Variants in SYNJ1 observed in about 807,000 individuals in gnomAD.
SYNJ1 encodes the protein polyphosphatidylinositol phosphatase SYNJ1.
Under a neutral mutation model 168.2 loss-of-function variants are expected in SYNJ1, and 78 were observed. That is an observed-to-expected ratio of 0.46 (90% CI 0.39 to 0.56). The LOEUF (loss-of-function observed/expected upper bound fraction) is 0.56, where lower values mean the gene tolerates loss of function less well. SYNJ1 is among the 20% of genes least tolerant of loss of function. SYNJ1 has a pLI of 0.00. For missense variants in SYNJ1, 1,303 were observed against 1,597.6 expected, an observed-to-expected ratio of 0.82 and a Z score of 3.14; for synonymous variants, 539 against 548.6, an observed-to-expected ratio of 0.98 and a Z score of 0.24.
At position 32,666,154 on chromosome 21, in the gene SYNJ1, T is replaced by A. The variant is rs7510547; in HGVS notation, c.1953-19A>T. 6.3e-6 allele frequency: 10 copies of A among 1,575,492 alleles called. No individual in the cohort carries two copies. In the African/African-American group the frequency reaches 6.8e-5, roughly 11 times the overall value. On this transcript the variant is annotated intron_variant, in intron 16 of 32. Coordinates refer to ENST00000674351, the MANE Select transcript of SYNJ1 (RefSeq NM_203446.3). ...AACATCCCTTTGAAACAAAGAATTC[T>A]AAATCGCAGATTTGAAATTTCAAGA...
chr21:32,661,311 G>A (rs111447236), intron 18 of SYNJ1, among the ~76,000 whole-genome samples: 1,650 of 152,266 alleles, frequency 0.011, 13 homozygotes, highest in Middle Eastern at 0.024. Context: ...AAGGCCCCAC[G>A]GTTCCACCCA....
chr21:32,713,524 G>A (rs879772131), intron 2 of SYNJ1, among the ~76,000 whole-genome samples: 3 of 138,444 alleles, frequency 2.2e-5, no homozygotes, highest in Non-Finnish European at 4.7e-5. Flanking sequence ...ATATCAACAT[G>A]GATGATTTCC....
chr21:32,685,291 TA>T (rs994637665), intron 9 of SYNJ1, among the ~76,000 whole-genome samples: 6 of 151,558 alleles, frequency 4.0e-5, no homozygotes, highest in African/African-American at 1.5e-4. Context: ...AAAACAAGTT[TA>T]AAATCAAGTA....
chr21:32,709,422 A>C (rs1279141406), intron 2 of SYNJ1, among the ~76,000 whole-genome samples: 1 of 140,204 alleles, frequency 7.1e-6, no homozygotes, highest in East Asian at 2.3e-4. Flanking sequence ...GGTAGTAGTG[A>C]GCCAAGATCA....
At chr21:32,727,503 G>T (rs901528538) in intron 1 of SYNJ1, among the ~76,000 whole-genome samples, 1 of 152,058 alleles carries the variant, frequency 6.6e-6, no homozygotes, top group South Asian at 2.1e-4. Context: ...CTGGGGGGAC[G>T]GCAGGCGGGG....
intron 22 of SYNJ1, 97 bp downstream of exon 22, chr21:32,653,191 C>T (rs927534498): frequency 1.1e-6 from 1 of 939,580 alleles, no homozygotes; most frequent in African/African-American, 1.7e-5. Flanking sequence ...CTTTTCCCCT[C>T]CCATTTAGAT....
upstream of SYNJ1, chr21:32,728,080 G>T: frequency 6.6e-7 from 1 of 1,518,172 alleles, no homozygotes; most frequent in Non-Finnish European, 8.8e-7. Flanking sequence ...CCCGCGCGAG[G>T]GAAGGGGCGG....
At chr21:32,710,151 G>A (rs1327209199) in intron 2 of SYNJ1, among the ~76,000 whole-genome samples, 4 of 152,026 alleles carry the variant, frequency 2.6e-5, no homozygotes, top group Non-Finnish European at 5.9e-5. Context: ...AGTGAGCCGA[G>A]ATTACATCAT....
chr21:32,707,346 G>T (rs904494389), intron 2 of SYNJ1, among the ~76,000 whole-genome samples: 8 of 147,054 alleles, frequency 5.4e-5, no homozygotes, highest in African/African-American at 2.0e-4. Context: ...GAGTACAGTG[G>T]CACAATCATG....
chr21:32,669,099 A>G (rs2041075983), intron 15 of SYNJ1, among the ~76,000 whole-genome samples: 1 of 152,236 alleles, frequency 6.6e-6, no homozygotes, highest in Non-Finnish European at 1.5e-5. Flanking sequence ...TCTGTGTGAT[A>G]CACAGGAAAT....
At chr21:32,706,084 C>T (rs2042597532) in intron 2 of SYNJ1, among the ~76,000 whole-genome samples, 1 of 152,186 alleles carries the variant, frequency 6.6e-6, no homozygotes, top group Admixed American at 6.5e-5. Context: ...ACCATTGCTG[C>T]AATACTCCTG....
At chr21:32,695,306 T>C (rs1262558121) in intron 4 of SYNJ1, 24 bp from the exon 5 acceptor site, 1 of 1,605,932 alleles carries the variant, frequency 6.2e-7, no homozygotes, top group Non-Finnish European at 8.5e-7. Context: ...AAATAAATGA[T>C]TAGCTTATGG....
intron 23 of SYNJ1, among the ~76,000 whole-genome samples, chr21:32,647,056 C>A (rs1026711141): frequency 2.3e-4 from 35 of 152,200 alleles, no homozygotes; most frequent in African/African-American, 8.4e-4. Flanking sequence ...CAACCCTCAC[C>A]CCACAAAGAC....
At position 32,664,846 on chromosome 21, in the gene SYNJ1, T is replaced by C; in HGVS notation, c.2304+67A>G. The stretch of plus-strand genomic sequence containing the variant: ...ACCCCAAGAAAATTTTAAAACATCT[T>C]GATTTAAAAAGGCATGTTTCACGAC... On this transcript the variant is annotated intron_variant, in intron 18 of 32. Transcript: ENST00000674351. The C allele has an allele frequency of 7.1e-6, 10 of 1,401,720 alleles. 1 individual carries two copies. In the South Asian group the frequency reaches 1.6e-4, roughly 22 times the overall value. The allele number at this position is 1,401,720 out of a possible 1,614,324, so 86.8% of individuals were successfully genotyped here. A position where few individuals can be genotyped will look rare whatever the true frequency, so the allele number is the denominator to read the frequency against.
rs2043472963 is a variant in SYNJ1, at chr21:32,726,752, G to A, written c.124+20C>T. 2 of 1,612,838 alleles carry A rather than the reference G, an allele frequency of 1.2e-6. No individual in the cohort carries two copies. ...TCAAAACAGAGACCATGACAAATTG[G>A]GCTCTAACAGATGACTTACAGAGCA... On this transcript the variant is annotated intron_variant, in intron 2 of 32. Transcript: ENST00000674351.
rs747412592 is a variant in SYNJ1 at position 32,666,465 on chromosome 21, A to G, written c.1920T>C (p.Val640=). Residue 640 remains valine, a synonymous_variant, in exon 16 of 33, where the codon GTT becomes GTC. Transcript: ENST00000674351. ...SEQLVGVCLF[V]FIRPQHAPFI... ...AAGGAGCATGCTGTGGTCTGATAAA[A>G]ACAAACAAACAGACGCCCACCAACT... 1 of 1,613,958 alleles carries G rather than the reference A, an allele frequency of 6.2e-7. No individual in the cohort carries two copies. Among genetic ancestry groups the G allele is most frequent in the Non-Finnish European group, 8.5e-7 (1 of 1,179,898 alleles).
At chr21:32,701,260 T>C (rs1243349470) in intron 3 of SYNJ1, among the ~76,000 whole-genome samples, 1 of 152,114 alleles carries the variant, frequency 6.6e-6, no homozygotes, top group Non-Finnish European at 1.5e-5. Flanking sequence ...CCATGAACTG[T>C]TACCAGCTCA....
At position 32,704,922 on chromosome 21, in the gene SYNJ1, G is replaced by C. The variant is rs550665708; in HGVS notation, c.125-2875C>G. ...CCCAGCACTTTGGGAGGCCCAGGTG[G>C]GCGGATTATGAGGTCAAGAGATTGA... is the stretch of plus-strand genomic sequence containing the variant. On this transcript the variant is annotated intron_variant, in intron 2 of 32. Transcript: ENST00000674351. 5.8e-4 allele frequency among the ~76,000 whole-genome samples: 88 copies of C among 152,194 alleles called. 1 individual carries two copies. Among genetic ancestry groups the C allele is most frequent in the Admixed American group, 3.2e-3 (49 of 15,302 alleles).
intron 3 of SYNJ1, 37 bp downstream of exon 3, chr21:32,701,924 G>T (rs1408896545): frequency 2.8e-6 from 4 of 1,441,034 alleles, no homozygotes; most frequent in Non-Finnish European, 3.7e-6. Flanking sequence ...AAATAGAAAT[G>T]AAAAAATGGA....
Sources: gnomAD v4.1 joint callset for allele counts (sites outside exome capture counted in the v4.1 genomes callset) on GRCh38, gnomAD v4.1.1 for gene constraint, MANE v1.5 for transcripts, NCBI Gene and HGNC (gene_info 2026-07-23, HGNC 2026-07-21) for gene names.